The following UNC5D variants were observed in gnomAD, a reference collection of about 807,000 sequenced individuals.
UNC5D encodes the protein netrin receptor UNC5D.
UNC5D carries 39 observed loss-of-function variants against 105.4 expected under a neutral mutation model. That is an observed-to-expected ratio of 0.37 (90% CI 0.29 to 0.48). UNC5D has a LOEUF of 0.48. Among genes scored for constraint, UNC5D ranks in the 20% least tolerant of loss-of-function variants. The pLI, the probability that UNC5D is intolerant of heterozygous loss-of-function variation, is 0.98. For synonymous variants in UNC5D, 452 were observed against 450.4 expected, an observed-to-expected ratio of 1.00 and a Z score of -0.04; for missense variants, 991 against 1,202.4, an observed-to-expected ratio of 0.82 and a Z score of 2.60.
chr8:35,291,526 T>G (rs1807066409), intron 1 of UNC5D, among the ~76,000 whole-genome samples: 1 of 152,148 alleles, frequency 6.6e-6, no homozygotes, highest in Non-Finnish European at 1.5e-5. Flanking sequence ...ACGGGCCTGA[T>G]TTTGCAGTAG....
intron 1 of UNC5D, among the ~76,000 whole-genome samples, chr8:35,513,845 T>G (rs561490919): frequency 6.6e-6 from 1 of 152,344 alleles, no homozygotes; most frequent in South Asian, 2.1e-4. Context: ...TTAAAATCCA[T>G]GAAAAGTTTG....
chr8:35,271,009 G>A (rs1018366028), intron 1 of UNC5D, among the ~76,000 whole-genome samples: 4 of 151,574 alleles, frequency 2.6e-5, no homozygotes, highest in African/African-American at 7.3e-5. Context: ...ACATCTATTC[G>A]GGTGAGCTAC....
intron 1 of UNC5D, among the ~76,000 whole-genome samples, chr8:35,336,958 A>G (rs1041219229): frequency 1.3e-5 from 2 of 152,150 alleles, no homozygotes; most frequent in South Asian, 4.1e-4. Flanking sequence ...TTGCTATCTT[A>G]TAACCCTGAA....
intron 1 of UNC5D, among the ~76,000 whole-genome samples, chr8:35,503,800 C>T (rs917934822): frequency 1.3e-4 from 20 of 152,092 alleles, no homozygotes; most frequent in African/African-American, 4.6e-4. Flanking sequence ...ATTAAAAGAG[C>T]CTCCCTGTGT....
intron 1 of UNC5D, among the ~76,000 whole-genome samples, chr8:35,536,951 G>A (rs565350073): frequency 3.1e-4 from 47 of 152,216 alleles, no homozygotes; most frequent in African/African-American, 9.4e-4. Flanking sequence ...AGCTGAGATC[G>A]TGCCACTGCA....
intron 1 of UNC5D, among the ~76,000 whole-genome samples, chr8:35,536,266 A>G (rs1814828222): frequency 1.3e-5 from 2 of 152,194 alleles, no homozygotes; most frequent in Admixed American, 6.5e-5. Context: ...CACTATTACC[A>G]TGTGGTGTAT....
intron 1 of UNC5D, among the ~76,000 whole-genome samples, chr8:35,270,585 G>A (rs1221841813): frequency 2.0e-5 from 3 of 152,140 alleles, no homozygotes; most frequent in African/African-American, 7.2e-5. Flanking sequence ...ATGACAAATT[G>A]ATAGACTGTA....
At chr8:35,620,909 G>C (rs910578913) in intron 4 of UNC5D, among the ~76,000 whole-genome samples, 1 of 152,132 alleles carries the variant, frequency 6.6e-6, no homozygotes, top group African/African-American at 2.4e-5. Flanking sequence ...CTAAGACTTG[G>C]AGAAGCGTAA....
intron 4 of UNC5D, among the ~76,000 whole-genome samples, chr8:35,658,596 G>A (rs1444210146): frequency 6.6e-6 from 1 of 151,744 alleles, no homozygotes; most frequent in Admixed American, 6.6e-5. Flanking sequence ...ATGTGATTAG[G>A]TGGAGAAAAG....
intron 1 of UNC5D, among the ~76,000 whole-genome samples, chr8:35,530,985 T>C (rs1219955380): frequency 6.6e-6 from 1 of 150,632 alleles, no homozygotes; most frequent in Non-Finnish European, 1.5e-5. Context: ...TGTTGATCCT[T>C]TCAAAAAACC....
At chr8:35,260,117 T>A (rs2128820661) in intron 1 of UNC5D, among the ~76,000 whole-genome samples, 1 of 152,280 alleles carries the variant, frequency 6.6e-6, no homozygotes. Flanking sequence ...GCCAGTGTTA[T>A]TCCTGAGTGA....
intron 1 of UNC5D, among the ~76,000 whole-genome samples, chr8:35,294,669 G>A (rs1326835274): frequency 6.6e-6 from 1 of 150,434 alleles, no homozygotes; most frequent in Non-Finnish European, 1.5e-5. Flanking sequence ...TGTAGCTGCG[G>A]AGATGACCTC....
intron 1 of UNC5D, among the ~76,000 whole-genome samples, chr8:35,424,796 G>A (rs1171872465): frequency 6.6e-6 from 1 of 152,192 alleles, no homozygotes; most frequent in Non-Finnish European, 1.5e-5. Flanking sequence ...TCCAATTCAA[G>A]CTGCTCTGCT....
chr8:35,679,989 C>T (rs916266991), intron 4 of UNC5D, among the ~76,000 whole-genome samples: 2 of 152,108 alleles, frequency 1.3e-5, no homozygotes. Flanking sequence ...GGCAAATATT[C>T]GAGGTCAGAT....
chr8:35,389,860 T>C (rs1803663455), intron 1 of UNC5D, among the ~76,000 whole-genome samples: 1 of 152,038 alleles, frequency 6.6e-6, no homozygotes, highest in South Asian at 2.1e-4. Context: ...GTCATAATCA[T>C]CATTTCCTAT....
At chr8:35,569,069 AT>A (rs1273905720) in intron 3 of UNC5D, among the ~76,000 whole-genome samples, 3 of 147,968 alleles carry the variant, frequency 2.0e-5, no homozygotes, top group African/African-American at 7.6e-5. Flanking sequence ...AAAAAAAAAA[AT>A]ACACACTTGG....
chr8:35,297,862 C>A (rs1807613533), intron 1 of UNC5D, among the ~76,000 whole-genome samples: 1 of 152,050 alleles, frequency 6.6e-6, no homozygotes, highest in South Asian at 2.1e-4. Flanking sequence ...CGCAAACTCA[C>A]TAATTTGACA....
chr8:35,641,022 T>A (rs1378943129), intron 4 of UNC5D, among the ~76,000 whole-genome samples: 2 of 152,030 alleles, frequency 1.3e-5, no homozygotes, highest in African/African-American at 4.8e-5. Flanking sequence ...ATAAGACAGC[T>A]TTTTTAGAGA....
chr8:35,668,289 A>G (rs1042347287), intron 4 of UNC5D, among the ~76,000 whole-genome samples: 2 of 151,998 alleles, frequency 1.3e-5, no homozygotes, highest in Non-Finnish European at 2.9e-5. Context: ...TGCTTTTTAT[A>G]TATTACAGAC....
Sources: gnomAD v4.1 joint callset for allele counts (sites outside exome capture counted in the v4.1 genomes callset) on GRCh38, gnomAD v4.1.1 for gene constraint, MANE v1.5 for transcripts, NCBI Gene and HGNC (gene_info 2026-07-23, HGNC 2026-07-21) for gene names.